The following PUDP variants were observed in gnomAD, a reference collection of about 807,000 sequenced individuals.
The protein encoded by PUDP is pseudouridine 5'-phosphatase, also known as pseudouridine-5'-phosphatase.
In PUDP, 8 loss-of-function variants were observed where a neutral mutation model predicts 9.4. That is an observed-to-expected ratio of 0.85 (90% CI 0.50 to 1.53). The LOEUF (loss-of-function observed/expected upper bound fraction) is 1.53. Among genes scored for constraint, PUDP ranks in the 40% most tolerant of loss-of-function variants. PUDP has a pLI of 0.00. For synonymous variants in PUDP, 99 were observed against 80.7 expected, an observed-to-expected ratio of 1.23 and a Z score of -1.22; for missense variants, 188 against 189.7, an observed-to-expected ratio of 0.99 and a Z score of 0.05.
At chrX:7,005,839 T>C (rs768251806) in intron 1 of PUDP, among the ~76,000 whole-genome samples, 15 of 111,372 alleles carry the variant, frequency 1.3e-4, no homozygotes, top group Non-Finnish European at 2.4e-4. Flanking sequence ...TAACTCCTCA[T>C]TCTTCCTCCT....
chrX:6,777,499 C>T (rs778054846), intron 3 of PUDP, among the ~76,000 whole-genome samples: 1 of 112,474 alleles, frequency 8.9e-6, no homozygotes, highest in Admixed American at 9.4e-5. Context: ...TCTGCAGAAG[C>T]TTTACTATTC....
chrX:6,972,945 T>C (rs1294519169), intron 3 of PUDP, among the ~76,000 whole-genome samples: 1 of 112,001 alleles, frequency 8.9e-6, no homozygotes, highest in Non-Finnish European at 1.9e-5. Flanking sequence ...GGAGGGTGTA[T>C]GTGTCCAGGA....
chrX:6,950,305 T>G (rs1416236565), intron 3 of PUDP, among the ~76,000 whole-genome samples: 1 of 80,137 alleles, frequency 1.2e-5, no homozygotes, highest in Non-Finnish European at 2.3e-5. Flanking sequence ...GCCACTGCAC[T>G]CCAGCCTAGG....
intron 3 of PUDP, among the ~76,000 whole-genome samples, chrX:6,913,365 ACT>A (rs899965042): frequency 9.0e-6 from 1 of 111,648 alleles, no homozygotes; most frequent in Non-Finnish European, 1.9e-5. Flanking sequence ...TTGTGGAAAG[ACT>A]CTGTGGAAAA....
At chrX:6,732,383 C>T (rs1924819662) in intron 3 of PUDP, among the ~76,000 whole-genome samples, 1 of 111,588 alleles carries the variant, frequency 9.0e-6, no homozygotes, top group Admixed American at 9.6e-5. Context: ...CCCTGACAAA[C>T]TTGTGTGGGC....
chrX:6,931,709 T>G (rs1928193488), intron 3 of PUDP, among the ~76,000 whole-genome samples: 1 of 111,282 alleles, frequency 9.0e-6, no homozygotes, highest in African/African-American at 3.3e-5. Context: ...AAGGGAAGGA[T>G]TCCATGAACC....
chrX:7,137,835 A>T (rs1288392937), intron 1 of PUDP, among the ~76,000 whole-genome samples: 1 of 111,946 alleles, frequency 8.9e-6, no homozygotes, highest in African/African-American at 3.2e-5. Flanking sequence ...TTCCTGCCTA[A>T]GGGTTCCGGC....
chrX:6,896,238 G>A (rs56131317), intron 3 of PUDP, among the ~76,000 whole-genome samples: 7,328 of 110,845 alleles, frequency 0.066, 357 homozygotes, highest in East Asian at 0.33. Context: ...AGTTGTTGTC[G>A]TTGATCTGCA....
chrX:6,792,734 T>C (rs1166334407), intron 3 of PUDP, among the ~76,000 whole-genome samples: 1 of 112,756 alleles, frequency 8.9e-6, no homozygotes, highest in Non-Finnish European at 1.9e-5. Flanking sequence ...TTTGGGGCTT[T>C]GTTTCTGAAG....
chrX:6,717,707 G>A (rs1924616290), intron 1 of PUDP, among the ~76,000 whole-genome samples: 1 of 111,914 alleles, frequency 8.9e-6, no homozygotes, highest in Non-Finnish European at 1.9e-5. Flanking sequence ...TCTCTAAAAG[G>A]GGAATTATCT....
At chrX:7,133,378 C>T (rs377524684) in intron 1 of PUDP, among the ~76,000 whole-genome samples, 6 of 111,620 alleles carry the variant, frequency 5.4e-5, no homozygotes, top group South Asian at 3.8e-4. Context: ...GCCATAGGGA[C>T]GCCAAACAGG....
At chrX:6,976,077 C>T (rs1226611174) in intron 3 of PUDP, among the ~76,000 whole-genome samples, 2 of 112,176 alleles carry the variant, frequency 1.8e-5, no homozygotes, top group Non-Finnish European at 3.8e-5. Context: ...CCTAGGTTGA[C>T]CTCAGACTGC....
chrX:6,948,588 C>T (rs897405421), intron 3 of PUDP, among the ~76,000 whole-genome samples: 1 of 111,901 alleles, frequency 8.9e-6, no homozygotes, highest in African/African-American at 3.2e-5. Flanking sequence ...CAACAAGCTC[C>T]CAGGTGAAGC....
chrX:7,136,487 C>T (rs1393575336), intron 1 of PUDP, among the ~76,000 whole-genome samples: 2 of 112,263 alleles, frequency 1.8e-5, no homozygotes, highest in African/African-American at 6.5e-5. Flanking sequence ...CACTTACAGT[C>T]GGGATCCCAA....
intron 3 of PUDP, among the ~76,000 whole-genome samples, chrX:6,773,676 A>G (rs922970373): frequency 6.3e-5 from 7 of 110,912 alleles, no homozygotes; most frequent in African/African-American, 2.3e-4. Context: ...CCAAGGCAGA[A>G]GCAGGTTTCC....
At chrX:6,881,633 T>C (rs1927347433) in intron 3 of PUDP, among the ~76,000 whole-genome samples, 3 of 112,169 alleles carry the variant, frequency 2.7e-5, no homozygotes, top group African/African-American at 9.7e-5. Flanking sequence ...TACTCATTTT[T>C]ATTTTCAGCA....
intron 3 of PUDP, among the ~76,000 whole-genome samples, chrX:6,911,891 C>A (rs1395991073): frequency 8.9e-6 from 1 of 111,839 alleles, no homozygotes; most frequent in Non-Finnish European, 1.9e-5. Context: ...AACGTGAATT[C>A]TCTTTGTTTG....
chrX:7,121,674 T>TC (rs1467357479), intron 1 of PUDP, among the ~76,000 whole-genome samples: 3 of 110,965 alleles, frequency 2.7e-5, no homozygotes, highest in African/African-American at 9.8e-5. Context: ...GGCCAAAGGG[T>TC]ACAGGCATAT....
At chrX:7,040,992 C>T (rs1929914283) in intron 1 of PUDP, among the ~76,000 whole-genome samples, 1 of 112,097 alleles carries the variant, frequency 8.9e-6, no homozygotes, top group Non-Finnish European at 1.9e-5. Context: ...TTCTCATCCT[C>T]CCCTTCTTTC....
Sources: gnomAD v4.1 joint callset for allele counts (sites outside exome capture counted in the v4.1 genomes callset) on GRCh38, gnomAD v4.1.1 for gene constraint, MANE v1.5 for transcripts, NCBI Gene and HGNC (gene_info 2026-07-23, HGNC 2026-07-21) for gene names.